TRPM3: variants seen among roughly 807,000 people sequenced by gnomAD.
TRPM3 encodes transient receptor potential cation channel subfamily M member 3.
A neutral mutation model predicts 181.2 loss-of-function variants in TRPM3; 77 were observed. That is an observed-to-expected ratio of 0.42 (90% CI 0.35 to 0.51). The LOEUF (loss-of-function observed/expected upper bound fraction) is 0.51, where lower values mean the gene tolerates loss of function less well. TRPM3 is among the 20% of genes least tolerant of loss of function. The pLI, the probability that TRPM3 is intolerant of heterozygous loss-of-function variation, is 0.01. For synonymous variants in TRPM3, 745 were observed against 796.4 expected, an observed-to-expected ratio of 0.94 and a Z score of 1.09; for missense variants, 1,759 against 2,196.7, an observed-to-expected ratio of 0.80 and a Z score of 3.98.
At chr9:71,094,596 C>G (rs1202735784) in intron 1 of TRPM3, among the ~76,000 whole-genome samples, 2 of 152,140 alleles carry the variant, frequency 1.3e-5, no homozygotes, top group African/African-American at 4.8e-5. Flanking sequence ...GTTCAAACCT[C>G]AGCTCTACCA....
At chr9:71,188,641 A>G in intron 1 of TRPM3, among the ~76,000 whole-genome samples, 1 of 151,778 alleles carries the variant, frequency 6.6e-6, no homozygotes, top group East Asian at 1.9e-4. Context: ...CATGTCTCTC[A>G]ATTACCTACT....
intron 1 of TRPM3, among the ~76,000 whole-genome samples, chr9:71,318,865 C>T (rs1214038069): frequency 6.6e-6 from 1 of 152,054 alleles, no homozygotes; most frequent in African/African-American, 2.4e-5. Flanking sequence ...AGCTAACGAA[C>T]ATTTGCATTG....
At chr9:70,958,884 C>T (rs532602974) in intron 1 of TRPM3, among the ~76,000 whole-genome samples, 2 of 151,742 alleles carry the variant, frequency 1.3e-5, no homozygotes, top group African/African-American at 2.4e-5. Context: ...GGAAATCATT[C>T]TCAGTAAACT....
At chr9:70,917,126 C>A (rs191444681) in intron 1 of TRPM3, 2 of 1,605,080 alleles carry the variant, frequency 1.2e-6, no homozygotes, top group Non-Finnish European at 1.7e-6. Context: ...CATAGGGGTT[C>A]GGATGAGTTC....
intron 1 of TRPM3, among the ~76,000 whole-genome samples, chr9:70,966,225 T>C (rs761492803): frequency 2.0e-5 from 3 of 151,998 alleles, no homozygotes; most frequent in Admixed American, 6.6e-5. Context: ...ATGGCTATTA[T>C]TAAAAAATCA....
At chr9:71,159,600 T>A (rs2076177801) in intron 1 of TRPM3, among the ~76,000 whole-genome samples, 1 of 152,158 alleles carries the variant, frequency 6.6e-6, no homozygotes, top group Non-Finnish European at 1.5e-5. Flanking sequence ...ATTATATAAC[T>A]GCCTTCCTTT....
chr9:70,644,950 C>T (rs1317436964), intron 9 of TRPM3, among the ~76,000 whole-genome samples: 2 of 152,136 alleles, frequency 1.3e-5, no homozygotes, highest in East Asian at 3.9e-4. Flanking sequence ...AGTGAACTCC[C>T]ATTCACAATT....
intron 1 of TRPM3, among the ~76,000 whole-genome samples, chr9:70,876,617 CT>C (rs960931752): frequency 6.6e-6 from 1 of 151,828 alleles, no homozygotes; most frequent in African/African-American, 2.4e-5. Context: ...GGAAACATGA[CT>C]TTTTTTCCTC....
chr9:71,236,788 T>G (rs1221192191), intron 1 of TRPM3, among the ~76,000 whole-genome samples: 1 of 152,222 alleles, frequency 6.6e-6, no homozygotes, highest in Non-Finnish European at 1.5e-5. Flanking sequence ...GGCTCACGCC[T>G]GTAATCCCAG....
intron 1 of TRPM3, among the ~76,000 whole-genome samples, chr9:71,011,774 T>TTTTTTTG (rs1411036966): frequency 2.3e-5 from 3 of 129,594 alleles, no homozygotes; most frequent in African/African-American, 9.2e-5. Context: ...TCCATGGTTT[T>TTTTTTTG]TTTTTTTGTT....
At chr9:71,264,404 C>T (rs10781005) in intron 1 of TRPM3, among the ~76,000 whole-genome samples, 82,431 of 151,836 alleles carry the variant, frequency 0.54, 22,486 homozygotes, top group African/African-American at 0.59. Context: ...ACAAAATTTT[C>T]ATTTATCAAT....
At chr9:70,616,804 G>A (rs1589360982) in intron 17 of TRPM3, among the ~76,000 whole-genome samples, 2 of 152,038 alleles carry the variant, frequency 1.3e-5, no homozygotes, top group African/African-American at 2.4e-5. Context: ...TAAACATCAC[G>A]CATAAATCTA....
chr9:70,750,186 G>A (rs1175189335), intron 8 of TRPM3, among the ~76,000 whole-genome samples: 1 of 152,152 alleles, frequency 6.6e-6, no homozygotes, highest in Non-Finnish European at 1.5e-5. Context: ...GTCATAGCTG[G>A]ATGCTCGCAG....
At chr9:70,610,910 C>T (rs1202582745) in intron 18 of TRPM3, among the ~76,000 whole-genome samples, 161 bp from the exon 19 acceptor site, 2 of 152,198 alleles carry the variant, frequency 1.3e-5, no homozygotes, top group Non-Finnish European at 2.9e-5. Context: ...ATTTGCACTA[C>T]ACGTATAATC....
Position 71,066,409 on chromosome 9 carries a change from C to A in TRPM3, c.177+54769G>T, listed in dbSNP as rs145804122. ...AAGAAATGGATTCTGTGCAGACTTT[C>A]CAAGAAATTGCCCATTAACTTGATA... On this transcript the variant is annotated intron_variant, in intron 1 of 25. Transcript: ENST00000677713. 1.3e-3 allele frequency among the ~76,000 whole-genome samples: 196 copies of A among 152,198 alleles called. 1 individual carries two copies. The highest frequency in any genetic ancestry group is 4.5e-3 in the African/African-American group (187 of 41,516).
chr9:70,788,276 T>A (rs188864480), intron 6 of TRPM3, among the ~76,000 whole-genome samples: 2,381 of 150,638 alleles, frequency 0.016, 32 homozygotes, highest in South Asian at 0.068. Context: ...TAGCTGATCA[T>A]AAGCCTATGA....
intron 1 of TRPM3, among the ~76,000 whole-genome samples, chr9:70,882,523 T>A (rs563965959): frequency 1.3e-5 from 2 of 152,278 alleles, no homozygotes; most frequent in African/African-American, 4.8e-5. Flanking sequence ...TTTGTTTTTT[T>A]CAAGTGGCTA....
intron 1 of TRPM3, among the ~76,000 whole-genome samples, chr9:71,270,982 G>A (rs1408471686): frequency 6.6e-6 from 1 of 152,162 alleles, no homozygotes; most frequent in East Asian, 1.9e-4. Flanking sequence ...TGAGCCATCA[G>A]ATAATGGCAA....
intron 1 of TRPM3, among the ~76,000 whole-genome samples, chr9:71,149,147 C>T (rs1451810295): frequency 6.6e-6 from 1 of 152,156 alleles, no homozygotes; most frequent in Non-Finnish European, 1.5e-5. Flanking sequence ...CACCTGTAAT[C>T]CCAGCACTCT....
Sources: gnomAD v4.1 joint callset for allele counts (sites outside exome capture counted in the v4.1 genomes callset) on GRCh38, gnomAD v4.1.1 for gene constraint, MANE v1.5 for transcripts, NCBI Gene and HGNC (gene_info 2026-07-23, HGNC 2026-07-21) for gene names.